The following DARS2 variants were observed in gnomAD, a reference collection of about 807,000 sequenced individuals.
DARS2 encodes the protein aspartyl-tRNA synthetase 2, mitochondrial, also known as aspartate--tRNA ligase, mitochondrial.
In DARS2, 63 loss-of-function variants were observed where a neutral mutation model predicts 83.0. The observed-to-expected ratio is 0.76, with a 90% CI of 0.62 to 0.94. The LOEUF (loss-of-function observed/expected upper bound fraction) is 0.94, where lower values mean the gene tolerates loss of function less well. Ranked by LOEUF, DARS2 falls within the 40% of genes least tolerant of loss-of-function variation. DARS2 has a pLI of 0.00. For synonymous variants in DARS2, 250 were observed against 269.3 expected (o/e 0.93, Z 0.70); for missense variants, 675 against 774.4 (o/e 0.87, Z 1.52).
chr1:173,827,104 C>T (rs988353687), intron 2 of DARS2, among the ~76,000 whole-genome samples: 15 of 152,138 alleles, frequency 9.9e-5, no homozygotes, highest in African/African-American at 3.4e-4. Context: ...TTCCTATAAC[C>T]AGTAATTAAA....
In DARS2 at chr1:173,857,537, C is replaced by T. The variant is rs779183544; in HGVS notation, c.1770C>T (p.Cys590=). 4 of 1,614,104 alleles carry T rather than the reference C, an allele frequency of 2.5e-6. No homozygotes were observed. Among genetic ancestry groups the T allele is most frequent in the Non-Finnish European group, 3.4e-6 (4 of 1,179,978 alleles). The change falls in exon 17 of 17, where the codon TGC becomes TGT. Residue 590 remains cysteine (C), a synonymous_variant. Transcript: ENST00000649689. ...GIALGLDRLI[C]LVTGSPSIRD... is the part of the protein sequence containing the mutation. ...TCACAGGGTTAGACAGACTGATATG[C>T]CTTGTCACTGGATCTCCAAGCATCA...
intron 13 of DARS2, 124 bp downstream of exon 13, chr1:173,850,603 A>ATAT: frequency 2.8e-6 from 3 of 1,054,824 alleles, no homozygotes; most frequent in Non-Finnish European, 3.9e-6. Flanking sequence ...CTCTGCATAA[A>ATAT]TCTTTTTTTT....
At chr1:173,844,694 A>AAAAAAAAAAAAAAAAAAAAAAT in intron 11 of DARS2, among the ~76,000 whole-genome samples, 1 of 132,276 alleles carries the variant, frequency 7.6e-6, no homozygotes, top group African/African-American at 3.9e-5. Context: ...AAAAAAAAAA[A>AAAAAAAAAAAAAAAAAAAAAAT]AAAAAAAAAA....
chr1:173,830,698 T>A lies in DARS2; in HGVS notation c.333T>A (p.Pro111=). 1 of 1,614,050 alleles carries A rather than the reference T, an allele frequency of 6.2e-7. No homozygotes were observed. The highest frequency in any genetic ancestry group is 1.3e-5 in the African/African-American group (1 of 75,064). Residue 111 remains proline, a synonymous_variant, in exon 4 of 17, where the codon CCT becomes CCA. Coordinates refer to ENST00000649689, the MANE Select transcript of DARS2 (RefSeq NM_018122.5). The part of the protein sequence containing the change: ...ASVKKILCEA[P]VESVVQVSGT... ...TGAAGAAGATTTTATGTGAAGCCCC[T>A]GTGGAATCTGTGGTGCAAGTGTCTG...
chr1:173,832,633 G>A (rs1652833433), intron 5 of DARS2, among the ~76,000 whole-genome samples: 1 of 151,992 alleles, frequency 6.6e-6, no homozygotes, highest in Non-Finnish European at 1.5e-5. Context: ...GCCAGGCGTG[G>A]TGGCAGGCAC....
chr1:173,840,925 TAGTA>T lies in DARS2; in HGVS notation c.1083_1086del (p.Lys362ProfsTer5), dbSNP rs781336428. On this transcript the variant is annotated frameshift_variant, in exon 11 of 17. Coordinates refer to ENST00000649689, the MANE Select transcript of DARS2 (RefSeq NM_018122.5). LOFTEE classifies it high-confidence loss of function. ...AGATTGGATTTCTTCAAGATGCACT[TAGTA>T]AGCCCCATGGAACTGTGAAAGCCAT... The T allele has an allele frequency of 4.3e-6, 7 of 1,613,082 alleles. No individual in the cohort carries two copies. Among genetic ancestry groups the T allele is most frequent in the Non-Finnish European group, 5.1e-6 (6 of 1,179,162 alleles).
At chr1:173,839,892 C>T (rs939058487) in intron 10 of DARS2, among the ~76,000 whole-genome samples, 2 of 151,754 alleles carry the variant, frequency 1.3e-5, no homozygotes, top group African/African-American at 4.8e-5. Context: ...TACTAAGTTT[C>T]CTTGGTCCAT....
intron 13 of DARS2, chr1:173,852,316 A>G (rs1319159161): frequency 3.5e-6 from 3 of 851,786 alleles, no homozygotes; most frequent in Non-Finnish European, 4.2e-6. Context: ...AGCACTTTGT[A>G]TACATTAACT....
At chr1:173,837,074 C>A in intron 8 of DARS2, 28 bp downstream of exon 8, 1 of 1,572,770 alleles carries the variant, frequency 6.4e-7, no homozygotes, top group East Asian at 2.2e-5. Context: ...TAGCAGTTGT[C>A]AGAAAAGGAA....
chr1:173,835,859 G>T (rs758112801), intron 7 of DARS2, among the ~76,000 whole-genome samples: 1 of 152,020 alleles, frequency 6.6e-6, no homozygotes, highest in East Asian at 1.9e-4. Flanking sequence ...TTTAAGACCC[G>T]CCTGACCAAT....
intron 13 of DARS2, among the ~76,000 whole-genome samples, chr1:173,851,638 G>A (rs1000001878): frequency 3.9e-5 from 6 of 152,122 alleles, no homozygotes; most frequent in Admixed American, 3.9e-4. Flanking sequence ...TAGCTTTAGG[G>A]ATCTTTGTAA....
intron 2 of DARS2, 85 bp downstream of exon 2, chr1:173,826,871 G>A (rs1319489093): frequency 1.1e-5 from 11 of 1,036,812 alleles, no homozygotes; most frequent in Non-Finnish European, 1.5e-5. Context: ...CAACCAGTCC[G>A]AAGAATAAAA....
Position 173,857,735 on chromosome 1 carries a change from T to C in DARS2, c.*30T>C. 6.2e-7 allele frequency: 1 copy of C among 1,613,570 alleles called. No individual in the cohort carries two copies. The highest frequency in any genetic ancestry group is 1.3e-5 in the African/African-American group (1 of 75,022). ...TGCATACCATGCAGAAAGTTGAGCT[T>C]TTAGGTTTTGTCCTCTTTGCTTCCC... On this transcript the variant is annotated 3_prime_UTR_variant, in exon 17 of 17. Transcript: ENST00000649689.
intron 12 of DARS2, 108 bp from the exon 13 acceptor site, chr1:173,850,219 A>T: frequency 8.0e-7 from 1 of 1,251,404 alleles, no homozygotes; most frequent in Non-Finnish European, 1.1e-6. Context: ...AATCTCTTTT[A>T]AATTCTCTTC....
At chr1:173,847,997 C>T (rs1653503387) in intron 12 of DARS2, among the ~76,000 whole-genome samples, 1 of 151,926 alleles carries the variant, frequency 6.6e-6, no homozygotes, top group Non-Finnish European at 1.5e-5. Flanking sequence ...GGACTACAGG[C>T]GCCCGCGACC....
At chr1:173,852,288 T>C in intron 13 of DARS2, 1 of 978,614 alleles carries the variant, frequency 1.0e-6, no homozygotes, top group African/African-American at 1.7e-5. Flanking sequence ...GCACTTAGTA[T>C]TTGCCAAGCC....
intron 5 of DARS2, among the ~76,000 whole-genome samples, chr1:173,832,647 T>C (rs896838943): frequency 1.3e-5 from 2 of 151,696 alleles, no homozygotes; most frequent in African/African-American, 4.8e-5. Context: ...CAGGCACTTG[T>C]AGTCCCAGCC....
intron 7 of DARS2, 105 bp from the exon 8 acceptor site, chr1:173,836,835 A>G (rs190205691): frequency 1.1e-6 from 1 of 917,154 alleles, no homozygotes; most frequent in Non-Finnish European, 1.8e-6. Flanking sequence ...TTCTTTAGTC[A>G]TTCATTGATA....
At chr1:173,850,596 T>G in intron 13 of DARS2, 117 bp downstream of exon 13, 32 of 1,027,088 alleles carry the variant, frequency 3.1e-5, no homozygotes, top group Middle Eastern at 2.2e-4. Context: ...GGAGCTGCTC[T>G]GCATAAATCT....
Sources: gnomAD v4.1 joint callset for allele counts (sites outside exome capture counted in the v4.1 genomes callset) on GRCh38, gnomAD v4.1.1 for gene constraint, MANE v1.5 for transcripts, NCBI Gene and HGNC (gene_info 2026-07-23, HGNC 2026-07-21) for gene names.